Variants in ZFAT observed in about 807,000 individuals in gnomAD.
ZFAT encodes the protein zinc finger protein ZFAT.
Under a neutral mutation model 117.7 loss-of-function variants are expected in ZFAT, and 64 were observed. That is an observed-to-expected ratio of 0.54 (90% CI 0.44 to 0.67). ZFAT has a LOEUF of 0.67. ZFAT is among the 30% of genes least tolerant of loss of function. ZFAT has a pLI of 0.00. For missense variants in ZFAT, 1,433 were observed against 1,584.5 expected, an observed-to-expected ratio of 0.90 and a Z score of 1.62; for synonymous variants, 679 against 615.0, an observed-to-expected ratio of 1.10 and a Z score of -1.54.
chr8:134,739,994 T>C, the ZFAT span, among the ~76,000 whole-genome samples: 1 of 152,186 alleles, frequency 6.6e-6, no homozygotes, highest in Non-Finnish European at 1.5e-5. Flanking sequence ...CCAAGGTGAG[T>C]GTCTCCACCC....
At chr8:134,783,146 G>C in the ZFAT span, among the ~76,000 whole-genome samples, 2 of 152,080 alleles carry the variant, frequency 1.3e-5, no homozygotes, top group South Asian at 4.1e-4. Flanking sequence ...TTAAAAGTTT[G>C]AGATTTCATC....
At chr8:134,817,392 T>A in the ZFAT span, among the ~76,000 whole-genome samples, 1 of 101,840 alleles carries the variant, frequency 9.8e-6, no homozygotes, top group Admixed American at 1.0e-4. Flanking sequence ...TCTCTCTCTC[T>A]CTACACACAC....
chr8:134,830,652 A>C, the ZFAT span, among the ~76,000 whole-genome samples: 1 of 152,236 alleles, frequency 6.6e-6, no homozygotes. Context: ...CTATCATCAC[A>C]ATCCTGCACC....
chr8:134,497,920 T>G (rs1172805035), intron 15 of ZFAT, among the ~76,000 whole-genome samples: 432 of 89,652 alleles, frequency 4.8e-3, no homozygotes, highest in African/African-American at 0.017. Context: ...GGTGGAGCCG[T>G]GATGCCCCTG....
At chr8:134,535,317 A>G (rs1821748579) in intron 11 of ZFAT, among the ~76,000 whole-genome samples, 1 of 152,202 alleles carries the variant, frequency 6.6e-6, no homozygotes, top group South Asian at 2.1e-4. Flanking sequence ...GGGATGTTCT[A>G]TAGGCACCTT....
intron 2 of ZFAT, 124 bp from the exon 3 acceptor site, chr8:134,637,836 T>A: frequency 7.5e-7 from 1 of 1,339,976 alleles, no homozygotes; most frequent in South Asian, 1.5e-5. Flanking sequence ...AAGTCTAAAG[T>A]GATTCCAGAC....
At chr8:134,704,602 A>T (rs534787835) in intron 1 of ZFAT, among the ~76,000 whole-genome samples, 21 of 152,320 alleles carry the variant, frequency 1.4e-4, no homozygotes, top group African/African-American at 5.1e-4. Flanking sequence ...TATTCTTTAT[A>T]CTTCAAAAAT....
chr8:134,556,479 A>G (rs941230024), intron 11 of ZFAT, among the ~76,000 whole-genome samples: 1 of 152,104 alleles, frequency 6.6e-6, no homozygotes, highest in Non-Finnish European at 1.5e-5. Context: ...AGCTCAACAA[A>G]CCCCAAGTAA....
At chr8:134,572,618 TA>T (rs1825005713) in intron 10 of ZFAT, among the ~76,000 whole-genome samples, 1 of 152,236 alleles carries the variant, frequency 6.6e-6, no homozygotes, top group Non-Finnish European at 1.5e-5. Context: ...ATTGTGCGAA[TA>T]ATCTCAGGAG....
At chr8:134,730,335 T>C in the ZFAT span, among the ~76,000 whole-genome samples, 5 of 152,180 alleles carry the variant, frequency 3.3e-5, no homozygotes, top group African/African-American at 1.2e-4. Context: ...CCCATGACTC[T>C]CGCCTTTTAA....
the ZFAT span, chr8:134,784,849 T>TC: frequency 6.6e-6 from 1 of 152,204 alleles, no homozygotes; most frequent in African/African-American, 2.4e-5. Context: ...TAGTTTTTTT[T>TC]CCCTCTCTAA....
intron 11 of ZFAT, among the ~76,000 whole-genome samples, chr8:134,561,156 G>T (rs1342615548): frequency 2.0e-5 from 3 of 152,158 alleles, no homozygotes; most frequent in African/African-American, 7.2e-5. Context: ...CAGAAACTGG[G>T]AATGACCAAA....
At chr8:134,690,033 G>T (rs971203078) in intron 1 of ZFAT, among the ~76,000 whole-genome samples, 11 of 152,184 alleles carry the variant, frequency 7.2e-5, no homozygotes, top group African/African-American at 2.7e-4. Flanking sequence ...AGATCAATGA[G>T]AAATTTTAAA....
intron 1 of ZFAT, among the ~76,000 whole-genome samples, chr8:134,712,067 T>C (rs60408264): frequency 0.015 from 2,307 of 152,274 alleles, 67 homozygotes; most frequent in African/African-American, 0.053. Context: ...ACTAAGTATA[T>C]AGTGAACACT....
At chr8:134,712,718 C>CGCGGCCGGCGGCCGGCGGCCGGCGGG (rs1814058205) in intron 1 of ZFAT, 127 bp downstream of exon 1, 1 of 821,472 alleles carries the variant, frequency 1.2e-6, no homozygotes, top group African/African-American at 1.9e-5. Flanking sequence ...CGGATCCCTC[C>CGCGGCCGGCGGCCGGCGGCCGGCGGG]GCGGCCGGCG....
At chr8:134,643,530 T>C (rs889902784) in intron 2 of ZFAT, among the ~76,000 whole-genome samples, 7 of 152,086 alleles carry the variant, frequency 4.6e-5, no homozygotes, top group Non-Finnish European at 8.8e-5. Flanking sequence ...TCTCAGAACC[T>C]ATGAAAAAGG....
intron 5 of ZFAT, 60 bp from the exon 6 acceptor site, chr8:134,602,993 A>AC: frequency 1.3e-6 from 2 of 1,541,974 alleles, no homozygotes; most frequent in Non-Finnish European, 1.7e-6. Flanking sequence ...CATGAACTCT[A>AC]CATCCTTTTC....
the ZFAT span, among the ~76,000 whole-genome samples, chr8:134,816,636 A>C: frequency 2.0e-4 from 31 of 152,320 alleles, no homozygotes; most frequent in East Asian, 4.8e-3. Context: ...AGAAGGCTAA[A>C]GTATTTTTTA....
chr8:134,799,674 G>A, the ZFAT span, among the ~76,000 whole-genome samples: 6 of 152,274 alleles, frequency 3.9e-5, no homozygotes, highest in East Asian at 1.9e-4. Context: ...GTAACATAGC[G>A]AAGTAACTCG....
Sources: gnomAD v4.1 joint callset for allele counts (sites outside exome capture counted in the v4.1 genomes callset) on GRCh38, gnomAD v4.1.1 for gene constraint, MANE v1.5 for transcripts, NCBI Gene and HGNC (gene_info 2026-07-23, HGNC 2026-07-21) for gene names.